The following TTC4 variants were observed in gnomAD, a reference collection of about 807,000 sequenced individuals.
TTC4 encodes the protein hsp70/Hsp90 co-chaperone CNS1 homolog.
TTC4 carries 36 observed loss-of-function variants against 51.9 expected under a neutral mutation model. The observed-to-expected ratio is 0.69, with a 90% confidence interval of 0.53 to 0.92. The LOEUF (loss-of-function observed/expected upper bound fraction) is 0.92, where lower values mean the gene tolerates loss of function less well. Ranked by LOEUF, TTC4 falls within the 40% of genes least tolerant of loss-of-function variation. TTC4 has a pLI of 0.00. For synonymous variants in TTC4, 144 were observed against 164.2 expected, an observed-to-expected ratio of 0.88 and a Z score of 0.94; for missense variants, 399 against 454.6, an observed-to-expected ratio of 0.88 and a Z score of 1.11.
intron 5 of TTC4, among the ~76,000 whole-genome samples, chr1:54,723,880 TCAGCAATGAC>T (rs557398054): frequency 1.4e-4 from 22 of 152,334 alleles, no homozygotes; most frequent in African/African-American, 4.6e-4. Context: ...TCATATATCA[TCAGCAATGAC>T]CAGAGGTCAT....
At chr1:54,724,922 A>G (rs1404462333) in intron 5 of TTC4, among the ~76,000 whole-genome samples, 1 of 152,234 alleles carries the variant, frequency 6.6e-6, no homozygotes, top group Non-Finnish European at 1.5e-5. Context: ...GAGCATGTTT[A>G]TTCAAGAAAA....
At chr1:54,738,466 C>T (rs1350703428) in intron 9 of TTC4, among the ~76,000 whole-genome samples, 1 of 152,150 alleles carries the variant, frequency 6.6e-6, no homozygotes, top group African/African-American at 2.4e-5. Flanking sequence ...CTGCCCTGAG[C>T]ACAGAGCTGT....
chr1:54,741,826 T>G lies in TTC4; in HGVS notation c.*313T>G. ...TGAGCGGCACCCTGGTCTGTGGAGA[T>G]GGACTCAGGATCCAGTGACATGATT... On this transcript the variant is annotated 3_prime_UTR_variant, in exon 10 of 10. Coordinates refer to ENST00000371281, the MANE Select transcript of TTC4 (RefSeq NM_004623.5). 1 of 367,802 alleles carries G rather than the reference T, an allele frequency of 2.7e-6. No individual in the cohort carries two copies. Among genetic ancestry groups the G allele is most frequent in the South Asian group, 3.9e-5 (1 of 25,366 alleles). The allele number at this position is 367,802 out of a possible 1,614,324, so 22.8% of individuals were successfully genotyped here.
At chr1:54,733,798 AT>A (rs1315493180) in intron 8 of TTC4, 88 bp downstream of exon 8, 2 of 726,474 alleles carry the variant, frequency 2.8e-6, no homozygotes, top group Non-Finnish European at 4.0e-6. Context: ...AGTCTGCTTT[AT>A]TTTTTTGAAA....
intron 8 of TTC4, among the ~76,000 whole-genome samples, chr1:54,736,425 G>A (rs962598599): frequency 1.4e-5 from 2 of 147,668 alleles, no homozygotes; most frequent in Admixed American, 6.6e-5. Flanking sequence ...GCTGGAGTGC[G>A]GTAGGGAGAT....
At chr1:54,719,733 A>G (rs1488343709) in intron 3 of TTC4, among the ~76,000 whole-genome samples, 1 of 152,208 alleles carries the variant, frequency 6.6e-6, no homozygotes, top group Non-Finnish European at 1.5e-5. Context: ...TGTTGAGTAT[A>G]TAGACTGTTT....
intron 9 of TTC4, among the ~76,000 whole-genome samples, chr1:54,739,829 A>G (rs1645990486): frequency 1.3e-5 from 2 of 152,216 alleles, no homozygotes; most frequent in African/African-American, 4.8e-5. Context: ...AAGGAGCGTA[A>G]ACTTTATCCT....
chr1:54,724,244 C>T (rs1053759420), intron 5 of TTC4, among the ~76,000 whole-genome samples: 1 of 151,762 alleles, frequency 6.6e-6, no homozygotes, highest in African/African-American at 2.4e-5. Flanking sequence ...CAAGTGTTAC[C>T]AGAGATGAAG....
chr1:54,727,790 C>A (rs1408043136), intron 5 of TTC4, among the ~76,000 whole-genome samples: 2 of 151,450 alleles, frequency 1.3e-5, no homozygotes, highest in Non-Finnish European at 2.9e-5. Flanking sequence ...CAACTCTTAT[C>A]ATCTCAATAA....
Position 54,719,811 on chromosome 1 carries a change from A to T in TTC4, c.392-1352A>T, listed in dbSNP as rs140346964. On this transcript the variant is annotated intron_variant, in intron 3 of 9. Coordinates refer to ENST00000371281, the MANE Select transcript of TTC4 (RefSeq NM_004623.5). ...ATTTTTCTGATAATTCTGATTATTC[A>T]TTAGGCTAAAGCACGATTTGGCAAA... is the stretch of plus-strand genomic sequence containing the variant. Among the ~76,000 whole-genome samples, 849 of 152,250 alleles carry T rather than the reference A, an allele frequency of 5.6e-3. 7 individuals are homozygous for T. The highest frequency in any genetic ancestry group is 0.02 in the African/African-American group (828 of 41,548).
rs762715337 is a variant in TTC4, at chr1:54,717,580, AAAG to A, written c.324_326del (p.Lys109del). 6.2e-7 allele frequency: 1 copy of A among 1,612,448 alleles called. No homozygotes were observed. Among genetic ancestry groups the A allele is most frequent in the Non-Finnish European group, 8.5e-7 (1 of 1,179,416 alleles). On this transcript the variant is annotated inframe_deletion, in exon 3 of 10. Coordinates refer to ENST00000371281, the MANE Select transcript of TTC4 (RefSeq NM_004623.5). ...CTGTAATTTCATACACTGAAGGCTT[AAAG>A]AAGAAATGTGCAGATCCTGATTTGA...
chr1:54,731,711 G>T lies in TTC4; in HGVS notation c.896+11G>T, dbSNP rs747383340. 6.2e-7 allele frequency: 1 copy of T among 1,610,268 alleles called. No individual in the cohort carries two copies. The stretch of plus-strand genomic sequence containing the variant: ...TCATGAGGACTCCAGGTACTGACTT[G>T]CCCAGGAGCCCTCTGCTTTTGCTTG... On this transcript the variant is annotated intron_variant, in intron 7 of 9. Coordinates refer to ENST00000371281, the MANE Select transcript of TTC4 (RefSeq NM_004623.5).
intron 3 of TTC4, 28 bp from the exon 4 acceptor site, chr1:54,721,135 T>C: frequency 1.2e-6 from 2 of 1,610,080 alleles, no homozygotes; most frequent in Non-Finnish European, 1.7e-6. Flanking sequence ...TCAAAACTTC[T>C]CTCTTTTACT....
chr1:54,734,575 A>C (rs1367663624), intron 8 of TTC4, among the ~76,000 whole-genome samples: 2 of 151,434 alleles, frequency 1.3e-5, no homozygotes, highest in Non-Finnish European at 2.9e-5. Flanking sequence ...TTTTTAGTAG[A>C]GATGGGGTTT....
intron 4 of TTC4, among the ~76,000 whole-genome samples, chr1:54,722,231 A>T (rs765912440): frequency 1.2e-4 from 18 of 151,792 alleles, no homozygotes; most frequent in Non-Finnish European, 2.4e-4. Context: ...CACTGCCTTG[A>T]TGAATAGCTG....
At chr1:54,720,317 C>T (rs1394041687) in intron 3 of TTC4, among the ~76,000 whole-genome samples, 2 of 152,084 alleles carry the variant, frequency 1.3e-5, no homozygotes, top group African/African-American at 4.8e-5. Flanking sequence ...TTGCTGACCC[C>T]TGGGCTAGAG....
intron 9 of TTC4, among the ~76,000 whole-genome samples, chr1:54,737,943 C>T (rs763029176): frequency 6.6e-6 from 1 of 152,126 alleles, no homozygotes. Flanking sequence ...TCTTGTCGCC[C>T]AGGCTGGAGT....
At chr1:54,725,227 A>G (rs926218085) in intron 5 of TTC4, among the ~76,000 whole-genome samples, 2 of 152,206 alleles carry the variant, frequency 1.3e-5, no homozygotes, top group African/African-American at 2.4e-5. Context: ...GCTTTTTTAC[A>G]TAGGGCCAGA....
At position 54,719,423 on chromosome 1, in the gene TTC4, A is replaced by G. The variant is rs1040115304; in HGVS notation, c.392-1740A>G. 9.4e-5 allele frequency among the ~76,000 whole-genome samples: 14 copies of G among 148,776 alleles called. 1 individual carries two copies. The East Asian group carries it at 3.1e-3, about 33-fold the overall frequency. On this transcript the variant is annotated intron_variant, in intron 3 of 9. Transcript: ENST00000371281. ...GTTCCTTTGTTTTCCAGCTTTCACA[A>G]TGTGTTCTGTGTTCTTCTCATTTTC...
Sources: gnomAD v4.1 joint callset for allele counts (sites outside exome capture counted in the v4.1 genomes callset) on GRCh38, gnomAD v4.1.1 for gene constraint, MANE v1.5 for transcripts, NCBI Gene and HGNC (gene_info 2026-07-23, HGNC 2026-07-21) for gene names.